PREX2: variants seen among roughly 807,000 people sequenced by gnomAD.
The protein encoded by PREX2 is phosphatidylinositol 3,4,5-trisphosphate-dependent Rac exchanger 2 protein.
Under a neutral mutation model 203.2 loss-of-function variants are expected in PREX2, and 107 were observed. The observed-to-expected ratio is 0.53, with a 90% CI of 0.45 to 0.62. The LOEUF is 0.62. Ranked by LOEUF, PREX2 falls within the 20% of genes least tolerant of loss-of-function variation. The pLI, the probability that PREX2 is intolerant of heterozygous loss-of-function variation, is 0.00. For missense variants in PREX2, 1,777 were observed against 1,955.9 expected (o/e 0.91, Z 1.72); for synonymous variants, 672 against 663.6 (o/e 1.01, Z -0.19).
intron 37 of PREX2, among the ~76,000 whole-genome samples, chr8:68,206,843 G>A (rs767897306): frequency 6.6e-6 from 1 of 152,160 alleles, no homozygotes; most frequent in Non-Finnish European, 1.5e-5. Flanking sequence ...TGTCTTGACA[G>A]TGGAGCCGCA....
intron 1 of PREX2, among the ~76,000 whole-genome samples, chr8:68,016,852 A>C (rs2129610138): frequency 6.6e-6 from 1 of 152,280 alleles, no homozygotes; most frequent in Middle Eastern, 3.4e-3. Flanking sequence ...CCTGGCCTTA[A>C]GGGATCCTGC....
chr8:68,100,203 AG>A, intron 23 of PREX2: 1 of 461,694 alleles, frequency 2.2e-6, no homozygotes. Flanking sequence ...CCCAACTAAG[AG>A]AATGAAAACT....
intron 8 of PREX2, among the ~76,000 whole-genome samples, chr8:68,045,830 A>C (rs968421685): frequency 6.6e-6 from 1 of 152,140 alleles, no homozygotes; most frequent in Non-Finnish European, 1.5e-5. Context: ...CTAGTCGGCT[A>C]TCTTTCCATA....
intron 38 of PREX2, among the ~76,000 whole-genome samples, chr8:68,221,094 C>T (rs1812945683): frequency 6.6e-6 from 1 of 152,154 alleles, no homozygotes; most frequent in Non-Finnish European, 1.5e-5. Context: ...TTCGTCCCCA[C>T]TTAAAAGTGA....
intron 35 of PREX2, among the ~76,000 whole-genome samples, chr8:68,182,119 A>G (rs1430072000): frequency 2.6e-5 from 4 of 152,104 alleles, no homozygotes; most frequent in Admixed American, 2.0e-4. Flanking sequence ...AGGATCTTGA[A>G]TTTTGCCAAA....
At chr8:68,041,281 C>G (rs1269122279) in intron 7 of PREX2, among the ~76,000 whole-genome samples, 2 of 152,092 alleles carry the variant, frequency 1.3e-5, no homozygotes, top group African/African-American at 4.8e-5. Flanking sequence ...ATTTATAAGA[C>G]AGACTTAAGG....
chr8:68,058,578 T>G (rs1163866542), intron 10 of PREX2, among the ~76,000 whole-genome samples: 1 of 150,820 alleles, frequency 6.6e-6, no homozygotes, highest in Non-Finnish European at 1.5e-5. Flanking sequence ...GGATTACAGG[T>G]GCATGCCACC....
intron 1 of PREX2, among the ~76,000 whole-genome samples, chr8:68,017,530 G>A (rs945364542): frequency 6.6e-6 from 1 of 152,022 alleles, no homozygotes; most frequent in African/African-American, 2.4e-5. Context: ...TTTTGGTCTT[G>A]TGCTTTGCAA....
intron 1 of PREX2, among the ~76,000 whole-genome samples, chr8:68,000,094 C>T (rs10957406): frequency 0.69 from 104,246 of 151,954 alleles, 35,993 homozygotes; most frequent in South Asian, 0.81. Context: ...CTACTCAACA[C>T]AGTATTGGAA....
intron 34 of PREX2, among the ~76,000 whole-genome samples, chr8:68,148,270 A>T (rs775225344): frequency 6.6e-5 from 10 of 152,288 alleles, no homozygotes; most frequent in Non-Finnish European, 1.3e-4. Context: ...ATAAATAAAT[A>T]GCCACTACAG....
chr8:68,102,140 G>A (rs893972327), intron 23 of PREX2, among the ~76,000 whole-genome samples: 25 of 152,130 alleles, frequency 1.6e-4, no homozygotes, highest in Admixed American at 9.8e-4. Flanking sequence ...GCTCTTTTAT[G>A]TACATTATTG....
chr8:68,161,835 C>T (rs1240223034), intron 35 of PREX2, among the ~76,000 whole-genome samples: 2 of 152,064 alleles, frequency 1.3e-5, no homozygotes, highest in East Asian at 1.9e-4. Flanking sequence ...AGTTTGTTCT[C>T]ATACTGCTAA....
chr8:68,141,413 A>G (rs1811227739), intron 33 of PREX2, among the ~76,000 whole-genome samples: 2 of 152,168 alleles, frequency 1.3e-5, no homozygotes, highest in Non-Finnish European at 2.9e-5. Context: ...TCCTGTCTTC[A>G]TGGAGCTGAC....
chr8:68,044,569 G>A lies in PREX2; in HGVS notation c.922G>A (p.Glu308Lys). The A allele has an allele frequency of 6.2e-7, 1 of 1,612,610 alleles. No homozygotes were observed. Among genetic ancestry groups the A allele is most frequent in the Non-Finnish European group, 8.5e-7 (1 of 1,178,878 alleles). Residue 308 changes from glutamate (E) to lysine (K), a missense_variant, in exon 8 of 40, where the codon GAG (glutamate) becomes AAG (lysine). Transcript: ENST00000288368. Reference sequence around the variant, plus strand: ...GATCAACACGGAGGTGATGGAAGTGGAGAATGTGGATGATGGCACCGGTAA... The same window carrying A: ...GATCAACACGGAGGTGATGGAAGTGAAGAATGTGGATGATGGCACCGGTAA... ...GRINTEVMEV[E>K]NVDDGTADFH...
chr8:68,005,073 C>T (rs954313540), intron 1 of PREX2, among the ~76,000 whole-genome samples: 5 of 152,174 alleles, frequency 3.3e-5, no homozygotes, highest in African/African-American at 1.2e-4. Flanking sequence ...TGTCCTGTTG[C>T]TTTATGTATT....
chr8:68,069,958 G>A, intron 13 of PREX2, 74 bp downstream of exon 13: 7 of 770,736 alleles, frequency 9.1e-6, no homozygotes, highest in East Asian at 2.7e-5. Context: ...ATATTATTCA[G>A]CCAGAACTTG....
intron 23 of PREX2, chr8:68,105,696 T>TCC: frequency 8.6e-6 from 2 of 232,364 alleles, no homozygotes; most frequent in Non-Finnish European, 1.3e-5. Context: ...TATATATATA[T>TCC]ATATGGATAT....
chr8:68,109,517 C>T lies in PREX2; in HGVS notation c.3040C>T (p.Leu1014=), dbSNP rs1810493105. ...GCAGGATGGCCATGGTCTCAGGTAT[C>T]TGCTAAAAGAAGAAGACTTAGAAAC... The part of the protein sequence containing the change: ...GQQDGHGLRY[L]LKEEDLETQD... Residue 1014 remains leucine, a synonymous_variant, in exon 25 of 40, where the codon CTG becomes TTG. Coordinates refer to ENST00000288368, the MANE Select transcript of PREX2 (RefSeq NM_024870.4). 1 of 1,614,010 alleles carries T rather than the reference C, an allele frequency of 6.2e-7. No homozygotes were observed. Among genetic ancestry groups the T allele is most frequent in the Non-Finnish European group, 8.5e-7 (1 of 1,179,930 alleles).
At chr8:68,178,179 T>C (rs1266363523) in intron 35 of PREX2, among the ~76,000 whole-genome samples, 1 of 152,204 alleles carries the variant, frequency 6.6e-6, no homozygotes, top group Non-Finnish European at 1.5e-5. Flanking sequence ...TTTCTGCCTC[T>C]AGGTCTATGA....
Sources: gnomAD v4.1 joint callset for allele counts (sites outside exome capture counted in the v4.1 genomes callset) on GRCh38, gnomAD v4.1.1 for gene constraint, MANE v1.5 for transcripts, NCBI Gene and HGNC (gene_info 2026-07-23, HGNC 2026-07-21) for gene names.